ULK2: variants seen among roughly 807,000 people sequenced by gnomAD.
ULK2 encodes the protein unc-51 like autophagy activating kinase 2, also known as serine/threonine-protein kinase ULK2.
ULK2 carries 76 observed loss-of-function variants against 127.5 expected under a neutral mutation model. The observed-to-expected ratio is 0.60, with a 90% CI of 0.50 to 0.72. ULK2 has a LOEUF of 0.72. Ranked by LOEUF, ULK2 falls within the 30% of genes least tolerant of loss-of-function variation. The pLI, the probability that ULK2 is intolerant of heterozygous loss-of-function variation, is 0.00. For missense variants in ULK2, 1,144 were observed against 1,295.9 expected (o/e 0.88, Z 1.80); for synonymous variants, 452 against 461.9 (o/e 0.98, Z 0.28).
At chr17:19,844,236 T>A (rs1294109789) in intron 7 of ULK2, among the ~76,000 whole-genome samples, 1 of 152,190 alleles carries the variant, frequency 6.6e-6, no homozygotes, top group Non-Finnish European at 1.5e-5. Flanking sequence ...GGACAAATAT[T>A]AAACAGAAAT....
chr17:19,780,747 A>G (rs763807310), intron 24 of ULK2, 118 bp from the exon 25 acceptor site: 30 of 1,189,324 alleles, frequency 2.5e-5, no homozygotes, highest in Non-Finnish European at 3.2e-5. Flanking sequence ...CATTCAAAAA[A>G]AGGACCAGAA....
Position 19,778,896 on chromosome 17 carries a change from C to T in ULK2, c.2917-1180G>A, listed in dbSNP as rs1347593768. Among the ~76,000 whole-genome samples the T allele has an allele frequency of 3.3e-5, 5 of 152,100 alleles. No homozygotes were observed. The East Asian group carries it at 5.8e-4, about 18-fold the overall frequency. The stretch of plus-strand genomic sequence containing the variant: ...CTCTAAGCTCACTAAGCAGCCAGGA[C>T]GAACGGAGGAATTTATAAGTTATAG... On this transcript the variant is annotated intron_variant, in intron 25 of 26. Transcript: ENST00000395544.
rs957419656 is a variant in ULK2, at chr17:19,840,371, C to T, written c.704+1118G>A. On this transcript the variant is annotated intron_variant, in intron 9 of 26. Transcript: ENST00000395544. ...CAAATGTCTATCCTAATTTCAGACCCACTCCTAAAAACTCACTCTTGGGCG... is the reference window on the plus strand; with the variant it reads ...CAAATGTCTATCCTAATTTCAGACCTACTCCTAAAAACTCACTCTTGGGCG... 9.6e-6 allele frequency: 5 copies of T among 521,398 alleles called. No individual in the cohort carries two copies. In the Admixed American group the frequency reaches 1.1e-4, roughly 11 times the overall value. 32.3% of individuals were successfully genotyped at this position (521,398 alleles called of 1,614,324 possible).
chr17:19,823,606 T>C (rs950501834), intron 12 of ULK2, among the ~76,000 whole-genome samples: 1 of 152,206 alleles, frequency 6.6e-6, no homozygotes, highest in Non-Finnish European at 1.5e-5. Context: ...GACTTTGCCA[T>C]GGCTAGGCAC....
At chr17:19,784,483 T>C (rs1223000509) in intron 21 of ULK2, among the ~76,000 whole-genome samples, 1 of 144,428 alleles carries the variant, frequency 6.9e-6, no homozygotes, top group Non-Finnish European at 1.5e-5. Context: ...ACATAGATCC[T>C]ACTAAACCTC....
intron 14 of ULK2, among the ~76,000 whole-genome samples, chr17:19,807,810 AG>A (rs1210744968): frequency 2.0e-5 from 3 of 152,174 alleles, no homozygotes; most frequent in Admixed American, 2.0e-4. Context: ...AGGGCCCCCA[AG>A]GTACCAGTGC....
At chr17:19,783,928 T>C (rs2086974022) in intron 21 of ULK2, 23 bp from the exon 22 acceptor site, 6 of 1,451,152 alleles carry the variant, frequency 4.1e-6, no homozygotes, top group South Asian at 1.6e-5. Context: ...AGAGGATACA[T>C]GGCAGTGTCC....
In ULK2 at chr17:19,780,587, A is replaced by G; in HGVS notation, c.2801T>C (p.Met934Thr). The part of the protein sequence containing the change: ...LNERYKFCIT[M>T]CKKLTEKLNR... ...CAGCTTTTCTGTAAGTTTCTTGCAC[A>G]TGGTGATGCAGAATTTATATCGTTC... Residue 934 changes from methionine to threonine, a missense_variant, in exon 25 of 27, where the codon ATG (methionine) becomes ACG (threonine). Met to Thr is a moderately conservative substitution (Grantham distance 81). Coordinates refer to ENST00000395544, the MANE Select transcript of ULK2 (RefSeq NM_014683.4). The G allele has an allele frequency of 6.2e-7, 1 of 1,613,396 alleles. No individual in the cohort carries two copies. The highest frequency in any genetic ancestry group is 2.2e-5 in the East Asian group (1 of 44,818).
intron 25 of ULK2, among the ~76,000 whole-genome samples, chr17:19,779,891 C>G (rs981082558): frequency 6.6e-6 from 1 of 151,752 alleles, no homozygotes; most frequent in African/African-American, 2.4e-5. Context: ...AAGATTAGAT[C>G]GGCTGGGCAC....
At chr17:19,792,334 TAAGAA>T (rs575129426) in intron 20 of ULK2, among the ~76,000 whole-genome samples, 1 of 152,146 alleles carries the variant, frequency 6.6e-6, no homozygotes, top group Non-Finnish European at 1.5e-5. Context: ...TTGACCAGAC[TAAGAA>T]AAGAGGAAAC....
intron 20 of ULK2, among the ~76,000 whole-genome samples, chr17:19,792,753 C>A (rs2087183468): frequency 6.6e-6 from 1 of 150,942 alleles, no homozygotes. Flanking sequence ...CAAAAAAAAA[C>A]CCAGCCAGTC....
chr17:19,820,439 T>G (rs1412265691), intron 12 of ULK2, among the ~76,000 whole-genome samples: 1 of 152,128 alleles, frequency 6.6e-6, no homozygotes, highest in Non-Finnish European at 1.5e-5. Context: ...AGCTTTCTTT[T>G]CCCTTCACCC....
intron 25 of ULK2, among the ~76,000 whole-genome samples, chr17:19,779,531 C>CAAAAAAAAAAAAAAAAAAAAAAAAAA (rs55957234): frequency 1.5e-5 from 1 of 67,998 alleles, no homozygotes. Flanking sequence ...AACTCCATCT[C>CAAAAAAAAAAAAAAAAAAAAAAAAAA]AAAAAAAAAA....
intron 25 of ULK2, among the ~76,000 whole-genome samples, chr17:19,778,526 C>G (rs553430608): frequency 2.0e-5 from 3 of 152,348 alleles, no homozygotes; most frequent in South Asian, 4.1e-4. Context: ...CTGATTTTCT[C>G]TTTGATCATT....
intron 10 of ULK2, among the ~76,000 whole-genome samples, chr17:19,828,164 C>T (rs878880493): frequency 6.6e-6 from 1 of 152,190 alleles, no homozygotes; most frequent in African/African-American, 2.4e-5. Context: ...TTCCACAAAA[C>T]TGTCCTTCAA....
chr17:19,819,076 G>A (rs1010335067), intron 12 of ULK2, among the ~76,000 whole-genome samples: 4 of 152,056 alleles, frequency 2.6e-5, no homozygotes, highest in Non-Finnish European at 5.9e-5. Context: ...TGGGATTACA[G>A]GCATGAGCCT....
At chr17:19,845,238 T>C in intron 7 of ULK2, 66 bp downstream of exon 7, 1 of 1,376,432 alleles carries the variant, frequency 7.3e-7, no homozygotes, top group Non-Finnish European at 1.0e-6. Flanking sequence ...AAGCACGCAT[T>C]ATATTTAAAT....
rs183454644 is a variant in ULK2 at position 19,799,844 on chromosome 17, G to A, written c.1442-269C>T. 6.0e-4 allele frequency among the ~76,000 whole-genome samples: 92 copies of A among 152,278 alleles called. 1 individual carries two copies. In the East Asian group the frequency reaches 0.016, roughly 26 times the overall value. ...ATAAACAAATAAATGCTCCTAACAG[G>A]TATGTCCATAAGACAGGTAAGCACA... is the stretch of plus-strand genomic sequence containing the variant. On this transcript the variant is annotated intron_variant, in intron 16 of 26. Transcript: ENST00000395544.
chr17:19,837,935 A>G (rs952575795), intron 10 of ULK2, among the ~76,000 whole-genome samples: 1 of 152,142 alleles, frequency 6.6e-6, no homozygotes, highest in Admixed American at 6.5e-5. Flanking sequence ...CTTCCACTCA[A>G]AACCCTCTAA....
Sources: gnomAD v4.1 joint callset for allele counts (sites outside exome capture counted in the v4.1 genomes callset) on GRCh38, gnomAD v4.1.1 for gene constraint, MANE v1.5 for transcripts, NCBI Gene and HGNC (gene_info 2026-07-23, HGNC 2026-07-21) for gene names.